RTTN: variants seen among roughly 807,000 people sequenced by gnomAD.
RTTN encodes the protein rotatin.
Under a neutral mutation model 269.2 loss-of-function variants are expected in RTTN, and 182 were observed. The observed-to-expected ratio is 0.68, with a 90% confidence interval of 0.60 to 0.76. RTTN has a LOEUF of 0.76. RTTN is among the 30% of genes least tolerant of loss of function. RTTN has a pLI of 0.00. For missense variants in RTTN, 2,545 were observed against 2,608.6 expected (o/e 0.98, Z 0.53); for synonymous variants, 1,006 against 963.5 (o/e 1.04, Z -0.82).
chr18:70,037,990 C>T, intron 40 of RTTN, among the ~76,000 whole-genome samples: 1 of 43,974 alleles, frequency 2.3e-5, no homozygotes, highest in South Asian at 1.6e-3. Context: ...CCCATGGGAC[C>T]GTGGTATTGG....
chr18:70,135,412 G>A (rs2060101295), intron 21 of RTTN, 132 bp from the exon 22 acceptor site: 1 of 548,440 alleles, frequency 1.8e-6, no homozygotes, highest in Admixed American at 3.9e-5. Context: ...CTAAAACACA[G>A]GCTTTCATCT....
chr18:70,012,507 T>C (rs56180069), intron 46 of RTTN, among the ~76,000 whole-genome samples: 4,547 of 145,702 alleles, frequency 0.031, 235 homozygotes, highest in African/African-American at 0.11. Context: ...CTCACTGGTA[T>C]TGGTTACAGG....
At chr18:70,113,666 G>A (rs1260236324) in intron 27 of RTTN, among the ~76,000 whole-genome samples, 4 of 152,036 alleles carry the variant, frequency 2.6e-5, no homozygotes, top group Admixed American at 2.0e-4. Flanking sequence ...ATGAATGAAT[G>A]GATAAACAAA....
In RTTN at chr18:70,057,610, C is replaced by T. The variant is rs545258319; in HGVS notation, c.5031+132G>A. 1.1e-4 allele frequency: 70 copies of T among 627,306 alleles called. 1 individual carries two copies. Among genetic ancestry groups the T allele is most frequent in the African/African-American group, 1.1e-3 (57 of 53,942 alleles). The allele number at this position is 627,306 out of a possible 1,614,324, so 38.9% of individuals were successfully genotyped here. A position where few individuals can be genotyped will look rare whatever the true frequency, so the allele number is the denominator to read the frequency against. The stretch of plus-strand genomic sequence containing the variant: ...TATTAAAATTTCAAGTAACGTATTT[C>T]GAATAATCTCATCATACCATGTATA... On this transcript the variant is annotated intron_variant, in intron 37 of 48. Coordinates refer to ENST00000640769, the MANE Select transcript of RTTN (RefSeq NM_173630.4).
chr18:70,202,318 T>C (rs935084044), intron 3 of RTTN, among the ~76,000 whole-genome samples: 1 of 152,200 alleles, frequency 6.6e-6, no homozygotes, highest in Admixed American at 6.5e-5. Flanking sequence ...ACTCCAATTA[T>C]ATAGTTCCTG....
intron 40 of RTTN, among the ~76,000 whole-genome samples, chr18:70,035,599 T>C (rs969542360): frequency 6.6e-6 from 1 of 151,934 alleles, no homozygotes; most frequent in Non-Finnish European, 1.5e-5. Flanking sequence ...CCAAAACTAT[T>C]AAAACGCTGG....
At chr18:70,160,769 G>C (rs1302322610) in intron 14 of RTTN, among the ~76,000 whole-genome samples, 1 of 151,744 alleles carries the variant, frequency 6.6e-6, no homozygotes, top group African/African-American at 2.4e-5. Context: ...AAAATCAGTA[G>C]CATTTCTGTA....
At chr18:70,139,846 A>T (rs2060213147) in intron 20 of RTTN, 130 bp from the exon 21 acceptor site, 2 of 661,724 alleles carry the variant, frequency 3.0e-6, no homozygotes. Flanking sequence ...AAATGTAAAT[A>T]AATACTAGGA....
intron 14 of RTTN, among the ~76,000 whole-genome samples, chr18:70,163,069 T>TAAAAAAAAAAAAAAAAAAAAAAAAA (rs10559303): frequency 1.8e-5 from 1 of 56,968 alleles, no homozygotes; most frequent in African/African-American, 7.1e-5. Context: ...TTACTATTAT[T>TAAAAAAAAAAAAAAAAAAAAAAAAA]AAAAAAAAAA....
Position 70,024,738 on chromosome 18 carries a change from A to C in RTTN, c.5934T>G (p.Thr1978=). ...TCCTATTACCATTTGGAAAATTTGC[A>C]GTATAGACACAAAGGAGCTGCAGAG... The part of the protein sequence containing the change: ...QISLQLLCVY[T]ANFPNGCSSL... Residue 1978 remains threonine, a synonymous_variant, in exon 44 of 49, where the codon ACT becomes ACG. Transcript: ENST00000640769. 6.2e-7 allele frequency: 1 copy of C among 1,613,670 alleles called. No individual in the cohort carries two copies. The highest frequency in any genetic ancestry group is 8.5e-7 in the Non-Finnish European group (1 of 1,179,654).
At chr18:70,103,845 G>A (rs997778233) in intron 28 of RTTN, among the ~76,000 whole-genome samples, 3 of 151,222 alleles carry the variant, frequency 2.0e-5, no homozygotes, top group Admixed American at 2.0e-4. Context: ...TAGAGTTTCT[G>A]CCGAGAGATC....
At chr18:70,092,900 C>A in intron 28 of RTTN, 96 bp from the exon 29 acceptor site, 2 of 1,055,814 alleles carry the variant, frequency 1.9e-6, no homozygotes, top group South Asian at 2.6e-5. Context: ...TGAATTGAAT[C>A]CTTACCTTAT....
intron 40 of RTTN, among the ~76,000 whole-genome samples, chr18:70,040,570 G>A (rs1460103254): frequency 6.6e-6 from 1 of 152,136 alleles, no homozygotes; most frequent in Non-Finnish European, 1.5e-5. Context: ...AGATCTTCCA[G>A]AAAGAAAATC....
chr18:70,183,728 A>T (rs2061470645), intron 10 of RTTN, among the ~76,000 whole-genome samples: 1 of 152,164 alleles, frequency 6.6e-6, no homozygotes, highest in African/African-American at 2.4e-5. Context: ...GTTGCCAAAC[A>T]TCCTCTGGGA....
At chr18:70,004,723 G>A (rs992850021) in intron 48 of RTTN, among the ~76,000 whole-genome samples, 4 of 152,112 alleles carry the variant, frequency 2.6e-5, no homozygotes, top group African/African-American at 4.8e-5. Context: ...AGAGAATAAC[G>A]CTCACTGAAA....
chr18:70,185,432 ATCAT>A lies in RTTN; in HGVS notation c.1305+2672_1305+2675del, dbSNP rs143588212. The stretch of plus-strand genomic sequence containing the variant: ...ACAAAAGATTTGGCAAAATACAATA[ATCAT>A]TCATGATCAAAACTTTCAACAAACT... On this transcript the variant is annotated intron_variant, in intron 10 of 48. Coordinates refer to ENST00000640769, the MANE Select transcript of RTTN (RefSeq NM_173630.4). Among the ~76,000 whole-genome samples the A allele has an allele frequency of 6.6e-3, 1,002 of 152,324 alleles. 10 individuals are homozygous for A. Among genetic ancestry groups the A allele is most frequent in the African/African-American group, 0.023 (945 of 41,574 alleles).
intron 14 of RTTN, among the ~76,000 whole-genome samples, chr18:70,163,471 A>G (rs1232049397): frequency 2.6e-5 from 4 of 152,276 alleles, no homozygotes; most frequent in Non-Finnish European, 5.9e-5. Flanking sequence ...AAAATAGTAC[A>G]GTCACTGTGG....
At chr18:70,012,216 C>T (rs1172652728) in intron 46 of RTTN, among the ~76,000 whole-genome samples, 1 of 149,312 alleles carries the variant, frequency 6.7e-6, no homozygotes, top group Non-Finnish European at 1.5e-5. Context: ...AGGGCAGCAT[C>T]TGCTCACTGG....
chr18:70,009,979 A>G (rs901612826), intron 46 of RTTN, among the ~76,000 whole-genome samples: 1 of 152,222 alleles, frequency 6.6e-6, no homozygotes, highest in African/African-American at 2.4e-5. Flanking sequence ...AAAGATCAAA[A>G]AAGAAAAAGA....
Sources: allele counts gnomAD v4.1 joint callset (sites outside exome capture counted in the v4.1 genomes callset), GRCh38; gene constraint gnomAD v4.1.1; transcripts MANE v1.5; gene names NCBI Gene and HGNC (gene_info 2026-07-23, HGNC 2026-07-21).